Variants in TPD52 observed in about 807,000 individuals in gnomAD.
TPD52 encodes the protein prostate and colon associated protein.
In TPD52, 17 loss-of-function variants were observed where a neutral mutation model predicts 31.3. The observed-to-expected ratio is 0.54, with a 90% CI of 0.37 to 0.82. The LOEUF (loss-of-function observed/expected upper bound fraction) is 0.82. TPD52 is among the 40% of genes least tolerant of loss of function. The pLI, the probability that TPD52 is intolerant of heterozygous loss-of-function variation, is 0.00. For synonymous variants in TPD52, 83 were observed against 89.6 expected (o/e 0.93, Z 0.42); for missense variants, 212 against 240.1 (o/e 0.88, Z 0.77).
intron 7 of TPD52, chr8:80,042,417 C>G (rs886178429): frequency 1.0e-6 from 1 of 985,454 alleles, no homozygotes; most frequent in Non-Finnish European, 1.2e-6. Flanking sequence ...CAGCATGTGG[C>G]ATGCTGCCAC....
chr8:80,042,600 C>T lies in TPD52; in HGVS notation c.504+20G>A, dbSNP rs755062529. The T allele has an allele frequency of 1.9e-6, 3 of 1,600,550 alleles. No individual in the cohort carries two copies. Among genetic ancestry groups the T allele is most frequent in the Admixed American group, 3.4e-5 (2 of 58,792 alleles). On this transcript the variant is annotated intron_variant, in intron 7 of 7. Coordinates refer to ENST00000518937, the MANE Select transcript of TPD52 (RefSeq NM_001025253.3). ...CACCAGGCAATGTATCAAAAAGACC[C>T]TGTTCATCTCTCTACTTGCCTTTAA...
intron 1 of TPD52, among the ~76,000 whole-genome samples, chr8:80,150,252 A>T (rs1363613262): frequency 6.6e-6 from 1 of 152,212 alleles, no homozygotes; most frequent in Non-Finnish European, 1.5e-5. Context: ...GAAGTCAAGA[A>T]TTGTGATTTG....
intron 1 of TPD52, among the ~76,000 whole-genome samples, chr8:80,086,746 T>G (rs1289802479): frequency 6.6e-6 from 1 of 151,666 alleles, no homozygotes; most frequent in African/African-American, 2.4e-5. Context: ...GGGGGGCACG[T>G]GCCTGCAGTC....
intron 1 of TPD52, among the ~76,000 whole-genome samples, chr8:80,099,288 A>G (rs1806555275): frequency 6.6e-6 from 1 of 152,220 alleles, no homozygotes; most frequent in African/African-American, 2.4e-5. Flanking sequence ...GCCCTATTAT[A>G]ATATCAAATG....
At chr8:80,066,040 C>T (rs551997066) in intron 1 of TPD52, among the ~76,000 whole-genome samples, 16 of 152,120 alleles carry the variant, frequency 1.1e-4, no homozygotes, top group South Asian at 4.2e-4. Flanking sequence ...CCTGCTACCC[C>T]CCAGGACCAT....
intron 1 of TPD52, among the ~76,000 whole-genome samples, chr8:80,081,878 A>T (rs1487734837): frequency 6.6e-6 from 1 of 152,188 alleles, no homozygotes; most frequent in African/African-American, 2.4e-5. Context: ...ATCTCAGCTC[A>T]CTGCAACCTC....
intron 2 of TPD52, among the ~76,000 whole-genome samples, chr8:80,054,215 C>T (rs1811640597): frequency 1.3e-5 from 2 of 152,062 alleles, no homozygotes; most frequent in South Asian, 4.1e-4. Flanking sequence ...CAAGTAGAAG[C>T]TGAAAAAACT....
At chr8:80,128,587 C>G (rs1017400188) in intron 1 of TPD52, among the ~76,000 whole-genome samples, 1 of 151,440 alleles carries the variant, frequency 6.6e-6, no homozygotes, top group East Asian at 1.9e-4. Flanking sequence ...CTTGAGCCCA[C>G]GAGGTCAGGG....
chr8:80,126,605 C>T (rs1244336366), intron 1 of TPD52, among the ~76,000 whole-genome samples: 1 of 151,636 alleles, frequency 6.6e-6, no homozygotes, highest in Non-Finnish European at 1.5e-5. Flanking sequence ...CGTCAGGCTC[C>T]CAAGTAGCTG....
chr8:80,043,823 A>G (rs182499384), intron 6 of TPD52, among the ~76,000 whole-genome samples: 1 of 152,342 alleles, frequency 6.6e-6, no homozygotes, highest in Non-Finnish European at 1.5e-5. Context: ...AAGGATGAAG[A>G]AAAGGAGAAT....
intron 1 of TPD52, among the ~76,000 whole-genome samples, chr8:80,090,262 A>G (rs952168674): frequency 2.6e-5 from 4 of 152,158 alleles, no homozygotes; most frequent in African/African-American, 9.7e-5. Flanking sequence ...AGCCAGGCAC[A>G]GTGGTGCACA....
chr8:80,070,639 G>C (rs1010720914), intron 1 of TPD52, among the ~76,000 whole-genome samples: 3 of 152,174 alleles, frequency 2.0e-5, no homozygotes, highest in African/African-American at 7.2e-5. Context: ...CCACTCACTG[G>C]TTCCTAACAG....
chr8:80,095,835 C>G (rs1376427563), intron 1 of TPD52, among the ~76,000 whole-genome samples: 1 of 152,182 alleles, frequency 6.6e-6, no homozygotes, highest in Non-Finnish European at 1.5e-5. Flanking sequence ...GTGGTCCCAG[C>G]TACTCAGGAG....
intron 1 of TPD52, among the ~76,000 whole-genome samples, chr8:80,095,957 C>T (rs948157090): frequency 5.9e-5 from 9 of 151,792 alleles, no homozygotes; most frequent in Non-Finnish European, 1.3e-4. Flanking sequence ...TACATACATA[C>T]ATACATACAT....
chr8:80,080,558 A>T, intron 1 of TPD52: 1 of 1,480,388 alleles, frequency 6.8e-7, no homozygotes, highest in Non-Finnish European at 9.0e-7. Context: ...TTCACTGAAG[A>T]AATCAACCCC....
chr8:80,085,747 T>C (rs964293767), intron 1 of TPD52, among the ~76,000 whole-genome samples: 12 of 152,092 alleles, frequency 7.9e-5, no homozygotes, highest in African/African-American at 2.4e-4. Flanking sequence ...CAGACAAAAA[T>C]CATCGCTGGA....
chr8:80,151,092 G>A (rs748898284), intron 1 of TPD52, among the ~76,000 whole-genome samples: 15 of 152,132 alleles, frequency 9.9e-5, no homozygotes, highest in African/African-American at 1.7e-4. Context: ...GGTCTTTCTC[G>A]TGCTGTTCTT....
chr8:80,138,805 C>T (rs1809618990), intron 1 of TPD52, among the ~76,000 whole-genome samples: 2 of 152,186 alleles, frequency 1.3e-5, no homozygotes, highest in Non-Finnish European at 2.9e-5. Context: ...CTCCCCTCCC[C>T]ACCTTAGGCT....
chr8:80,157,669 T>C (rs1299648588), intron 1 of TPD52, among the ~76,000 whole-genome samples: 1 of 152,174 alleles, frequency 6.6e-6, no homozygotes, highest in Non-Finnish European at 1.5e-5. Flanking sequence ...AAATCACTGG[T>C]TAAAATTCTA....
Sources: gnomAD v4.1 joint callset for allele counts (sites outside exome capture counted in the v4.1 genomes callset) on GRCh38, gnomAD v4.1.1 for gene constraint, MANE v1.5 for transcripts, NCBI Gene and HGNC (gene_info 2026-07-23, HGNC 2026-07-21) for gene names.